The following NPC1 variants were observed in gnomAD, a reference collection of about 807,000 sequenced individuals.
NPC1 encodes the protein Niemann-Pick C1 protein.
Under a neutral mutation model 140.4 loss-of-function variants are expected in NPC1, and 85 were observed. The observed-to-expected ratio is 0.61, with a 90% CI of 0.51 to 0.72. NPC1 has a LOEUF of 0.72. Among genes scored for constraint, NPC1 ranks in the 30% least tolerant of loss-of-function variants. The pLI, the probability that NPC1 is intolerant of heterozygous loss-of-function variation, is 0.00. For synonymous variants in NPC1, 656 were observed against 624.8 expected, an observed-to-expected ratio of 1.05 and a Z score of -0.74; for missense variants, 1,504 against 1,623.8, an observed-to-expected ratio of 0.93 and a Z score of 1.27.
chr18:23,507,059 G>T, intron 3 of NPC1: 1 of 1,578,272 alleles, frequency 6.3e-7, no homozygotes, highest in South Asian at 1.1e-5. Flanking sequence ...ACTGTGGTAA[G>T]ACTTATCTTT....
At chr18:23,579,305 T>A (rs914494794) in intron 1 of NPC1, among the ~76,000 whole-genome samples, 1 of 152,228 alleles carries the variant, frequency 6.6e-6, no homozygotes, top group African/African-American at 2.4e-5. Context: ...TGTGTAATCC[T>A]TCCTTTGAAA....
chr18:23,534,377 T>C, intron 23 of NPC1, 69 bp downstream of exon 23: 1 of 1,056,852 alleles, frequency 9.5e-7, no homozygotes, highest in Admixed American at 1.7e-5. Flanking sequence ...GGATCCAGAC[T>C]CTTCAGTCAC....
At chr18:23,585,394 T>G (rs559909467) in intron 1 of NPC1, among the ~76,000 whole-genome samples, 1 of 152,166 alleles carries the variant, frequency 6.6e-6, no homozygotes, top group Non-Finnish European at 1.5e-5. Context: ...GAGAACTAAA[T>G]AGAAGTCGAA....
At chr18:23,535,819 C>T in intron 21 of NPC1, 119 bp from the exon 22 acceptor site, 1 of 755,938 alleles carries the variant, frequency 1.3e-6, no homozygotes, top group Non-Finnish European at 2.3e-6. Context: ...TGCAGAAAAC[C>T]TTGCTGGCTG....
At chr18:23,580,171 C>A (rs2059340769) in intron 1 of NPC1, among the ~76,000 whole-genome samples, 1 of 152,174 alleles carries the variant, frequency 6.6e-6, no homozygotes, top group East Asian at 1.9e-4. Context: ...TGCAGTAGCA[C>A]AGCAGAATTT....
chr18:23,529,524 G>GA (rs1190916314), downstream of NPC1: 6 of 1,251,394 alleles, frequency 4.8e-6, no homozygotes, highest in Non-Finnish European at 6.9e-6. Flanking sequence ...AGTGAAAGAT[G>GA]AACACTGGGC....
At chr18:23,517,424 A>G (rs2058037470), downstream of NPC1, among the ~76,000 whole-genome samples, 1 of 152,226 alleles carries the variant, frequency 6.6e-6, no homozygotes, top group South Asian at 2.1e-4. Flanking sequence ...TTGGGATTAC[A>G]GGCGTGAGCC....
intron 23 of NPC1, 78 bp downstream of exon 23, chr18:23,534,368 G>T: frequency 2.0e-6 from 2 of 975,806 alleles, no homozygotes; most frequent in Non-Finnish European, 3.2e-6. Context: ...GTAAGTACAG[G>T]ATCCAGACTC....
At chr18:23,543,433 G>T in intron 14 of NPC1, 22 bp downstream of exon 14, 1 of 1,356,084 alleles carries the variant, frequency 7.4e-7, no homozygotes, top group Non-Finnish European at 1.1e-6. Flanking sequence ...TACAGGACTG[G>T]TAGGATTGAA....
chr18:23,577,646 G>A (rs1193164148), intron 1 of NPC1, among the ~76,000 whole-genome samples: 1 of 152,246 alleles, frequency 6.6e-6, no homozygotes, highest in African/African-American at 2.4e-5. Flanking sequence ...TCAGCCCTTG[G>A]GTGGTCGATG....
intron 3 of NPC1, chr18:23,506,865 G>T: frequency 2.6e-6 from 2 of 776,998 alleles, no homozygotes; most frequent in Non-Finnish European, 4.3e-6. Flanking sequence ...TTTTAGACTA[G>T]AATTTGCTGC....
At chr18:23,547,952 T>C in intron 11 of NPC1, 54 bp downstream of exon 11, 1 of 1,024,398 alleles carries the variant, frequency 9.8e-7, no homozygotes, top group Admixed American at 1.7e-5. Context: ...TTGCCGCAAG[T>C]GTCTAGCTTC....
At chr18:23,544,568 T>C (rs559718680) in intron 12 of NPC1, 42 bp from the exon 13 acceptor site, 18 of 1,583,860 alleles carry the variant, frequency 1.1e-5, no homozygotes, top group African/African-American at 6.7e-5. Flanking sequence ...AGTTACAGGG[T>C]TGTCTGTCCC....
rs762053127 is a variant in NPC1, at chr18:23,539,816, G to A, written c.2790C>T (p.Asp930=). The A allele has an allele frequency of 3.1e-6, 5 of 1,613,994 alleles. No homozygotes were observed. The African/African-American group carries it at 6.7e-5, about 22-fold the overall frequency. Residue 930 remains aspartate, a synonymous_variant, in exon 18 of 25, where the codon GAC becomes GAT. Coordinates refer to ENST00000269228, the MANE Select transcript of NPC1 (RefSeq NM_000271.5). ...VQQIFNAAQL[D]NYTRIGFAPS... Reference sequence around the variant, plus strand: ...CAAGACAAGGTGGTACTGACTAGTTGTCCAGCTGCGCCGCGTTAAATATCT... The same window carrying A: ...CAAGACAAGGTGGTACTGACTAGTTATCCAGCTGCGCCGCGTTAAATATCT...
downstream of NPC1, chr18:23,530,559 GCTT>G (rs763494520): frequency 6.2e-7 from 1 of 1,614,110 alleles, no homozygotes; most frequent in East Asian, 2.2e-5. Context: ...ACAATATTCC[GCTT>G]TTTTGAACAG....
chr18:23,552,777 C>T (rs2058892347), intron 9 of NPC1, among the ~76,000 whole-genome samples: 1 of 152,188 alleles, frequency 6.6e-6, no homozygotes, highest in South Asian at 2.1e-4. Context: ...GGTCAGGTGA[C>T]CTGCAGCGAG....
intron 3 of NPC1, among the ~76,000 whole-genome samples, chr18:23,508,258 A>G (rs2057762918): frequency 6.6e-6 from 1 of 152,118 alleles, no homozygotes; most frequent in Non-Finnish European, 1.5e-5. Context: ...GGAGGGTTCA[A>G]TGGATGATGC....
downstream of NPC1, among the ~76,000 whole-genome samples, chr18:23,517,480 A>G (rs900018237): frequency 5.9e-5 from 9 of 152,108 alleles, no homozygotes; most frequent in African/African-American, 2.2e-4. Context: ...GAAAAAGTGG[A>G]TATCTCAGTT....
chr18:23,529,108 G>A, downstream of NPC1: 2 of 1,555,642 alleles, frequency 1.3e-6, no homozygotes, highest in Non-Finnish European at 1.7e-6. Flanking sequence ...TTCAGTCCTT[G>A]TGGATGAACT....
Sources: gnomAD v4.1 joint callset for allele counts (sites outside exome capture counted in the v4.1 genomes callset) on GRCh38, gnomAD v4.1.1 for gene constraint, MANE v1.5 for transcripts, NCBI Gene and HGNC (gene_info 2026-07-23, HGNC 2026-07-21) for gene names.